NPAS3: variants seen among roughly 807,000 people sequenced by gnomAD.
NPAS3 encodes neuronal PAS domain-containing protein 3.
In NPAS3, 14 loss-of-function variants were observed where a neutral mutation model predicts 73.1. That is an observed-to-expected ratio of 0.19 (90% CI 0.13 to 0.30). NPAS3 has a LOEUF of 0.30. Ranked by LOEUF, NPAS3 falls within the 10% of genes least tolerant of loss-of-function variation. The probability of loss-of-function intolerance (pLI) is 1.00; values close to 1 mark genes in which losing one functional copy is unlikely to be tolerated. For missense variants in NPAS3, 1,096 were observed against 1,250.0 expected (o/e 0.88, Z 1.86); for synonymous variants, 620 against 541.5 (o/e 1.14, Z -2.01).
intron 5 of NPAS3, among the ~76,000 whole-genome samples, chr14:33,672,314 A>G (rs75165530): frequency 0.027 from 4,137 of 152,344 alleles, 156 homozygotes; most frequent in East Asian, 0.1. Context: ...TTATTATTAC[A>G]ATGCCATTAT....
intron 2 of NPAS3, among the ~76,000 whole-genome samples, chr14:33,134,308 C>T (rs1218869429): frequency 6.6e-6 from 1 of 151,792 alleles, no homozygotes; most frequent in Admixed American, 6.6e-5. Context: ...AATGCAGTTG[C>T]TACTGCTTCC....
chr14:33,622,801 G>A (rs966206552), intron 5 of NPAS3, among the ~76,000 whole-genome samples: 5 of 152,102 alleles, frequency 3.3e-5, no homozygotes, highest in Non-Finnish European at 7.3e-5. Context: ...TGAAAGAAGG[G>A]AAGTTGCTAT....
At chr14:33,777,623 G>T (rs1400213554) in intron 8 of NPAS3, among the ~76,000 whole-genome samples, 1 of 151,928 alleles carries the variant, frequency 6.6e-6, no homozygotes, top group Non-Finnish European at 1.5e-5. Flanking sequence ...TTCCACTTTG[G>T]ACTGACCAAA....
rs187988818 is a variant in NPAS3, at chr14:33,531,938, G to A, written c.469-28183G>A. On this transcript the variant is annotated intron_variant, in intron 4 of 11. Transcript: ENST00000356141. Reference sequence around the variant, plus strand: ...CAAATGGCTAGTGATCTTCTACTGTGCTTACTTGCCATTTGTGCGTCCTTT... The same window carrying A: ...CAAATGGCTAGTGATCTTCTACTGTACTTACTTGCCATTTGTGCGTCCTTT... 2.0e-5 allele frequency among the ~76,000 whole-genome samples: 3 copies of A among 152,200 alleles called. No individual in the cohort carries two copies. In the East Asian group the frequency reaches 5.8e-4, roughly 29 times the overall value.
At chr14:33,378,855 CGCTAAGAATG>C (rs1396800276) in intron 4 of NPAS3, among the ~76,000 whole-genome samples, 1 of 152,040 alleles carries the variant, frequency 6.6e-6, no homozygotes, top group Non-Finnish European at 1.5e-5. Context: ...CTTTCTCAGG[CGCTAAGAATG>C]GCCAAATTAT....
At chr14:33,778,867 A>G (rs192267512) in intron 9 of NPAS3, among the ~76,000 whole-genome samples, 57 of 152,264 alleles carry the variant, frequency 3.7e-4, no homozygotes, top group African/African-American at 1.3e-3. Flanking sequence ...CTTAAGTGCT[A>G]CCTTGACCCT....
chr14:33,797,617 CTTG>C, intron 11 of NPAS3, 36 bp downstream of exon 11: 1 of 1,609,726 alleles, frequency 6.2e-7, no homozygotes, highest in African/African-American at 1.3e-5. Context: ...TTCAGTGAAG[CTTG>C]CCCACCACGC....
chr14:33,297,082 T>G (rs955930161), intron 3 of NPAS3, among the ~76,000 whole-genome samples: 1 of 152,180 alleles, frequency 6.6e-6, no homozygotes, highest in Non-Finnish European at 1.5e-5. Context: ...GACTTTGAAT[T>G]TACATAAACT....
intron 1 of NPAS3, among the ~76,000 whole-genome samples, chr14:32,994,797 A>C (rs11156779): frequency 0.19 from 28,881 of 151,780 alleles, 3,555 homozygotes; most frequent in African/African-American, 0.35. Flanking sequence ...ATACTCAGCT[A>C]ATTTTTGTAT....
chr14:33,775,656 A>G (rs2062790695), intron 8 of NPAS3, among the ~76,000 whole-genome samples: 1 of 152,236 alleles, frequency 6.6e-6, no homozygotes, highest in Non-Finnish European at 1.5e-5. Context: ...GGAAGATCTC[A>G]TGAACCTGTT....
At chr14:33,049,785 T>C (rs1174701879) in intron 1 of NPAS3, among the ~76,000 whole-genome samples, 1 of 152,202 alleles carries the variant, frequency 6.6e-6, no homozygotes, top group Non-Finnish European at 1.5e-5. Context: ...TACTTGGACA[T>C]GTCTCCCAAC....
At chr14:33,396,934 C>T (rs1466966048) in intron 4 of NPAS3, among the ~76,000 whole-genome samples, 1 of 152,016 alleles carries the variant, frequency 6.6e-6, no homozygotes, top group Non-Finnish European at 1.5e-5. Context: ...ATCACTTATT[C>T]CATTGTGACC....
chr14:33,350,900 C>T (rs1566821774), intron 3 of NPAS3, among the ~76,000 whole-genome samples: 2 of 152,184 alleles, frequency 1.3e-5, no homozygotes, highest in Non-Finnish European at 2.9e-5. Context: ...TTTAGATGCA[C>T]TGGCACAAAT....
chr14:33,508,488 G>A (rs958718098), intron 4 of NPAS3, among the ~76,000 whole-genome samples: 1 of 152,002 alleles, frequency 6.6e-6, no homozygotes, highest in African/African-American at 2.4e-5. Context: ...TTTACACCAT[G>A]TAAATCCAAA....
intron 4 of NPAS3, among the ~76,000 whole-genome samples, chr14:33,521,120 A>T (rs974061629): frequency 7.2e-5 from 11 of 152,078 alleles, no homozygotes; most frequent in Non-Finnish European, 1.0e-4. Context: ...CTTTCATTAT[A>T]TTTGTGTCTA....
At chr14:33,013,005 C>G (rs1250723431) in intron 1 of NPAS3, among the ~76,000 whole-genome samples, 1 of 152,192 alleles carries the variant, frequency 6.6e-6, no homozygotes, top group Non-Finnish European at 1.5e-5. Context: ...GGTTTTCTGA[C>G]TGAAAATGTT....
chr14:33,779,565 G>A (rs1239740334), intron 9 of NPAS3, among the ~76,000 whole-genome samples: 1 of 152,210 alleles, frequency 6.6e-6, no homozygotes, highest in East Asian at 1.9e-4. Context: ...GGTCCCATGA[G>A]ATTGTAATAC....
intron 4 of NPAS3, among the ~76,000 whole-genome samples, chr14:33,414,505 A>G (rs2048067635): frequency 6.6e-6 from 1 of 152,138 alleles, no homozygotes; most frequent in South Asian, 2.1e-4. Flanking sequence ...TCCTATACCA[A>G]GCATTTCTGC....
chr14:33,585,267 A>C (rs1472276774), intron 5 of NPAS3, among the ~76,000 whole-genome samples: 1 of 152,170 alleles, frequency 6.6e-6, no homozygotes, highest in African/African-American at 2.4e-5. Context: ...TCTAATAAAT[A>C]TGAAGGTCTG....
Sources: gnomAD v4.1 joint callset for allele counts (sites outside exome capture counted in the v4.1 genomes callset) on GRCh38, gnomAD v4.1.1 for gene constraint, MANE v1.5 for transcripts, NCBI Gene and HGNC (gene_info 2026-07-23, HGNC 2026-07-21) for gene names.